ENTREP2: variants seen among roughly 807,000 people sequenced by gnomAD.
ENTREP2 encodes the protein protein ENTREP2.
the ENTREP2 span, among the ~76,000 whole-genome samples, chr15:29,132,674 A>G: frequency 5.3e-5 from 8 of 152,222 alleles, no homozygotes; most frequent in Admixed American, 1.3e-4. Flanking sequence ...AATATATTCT[A>G]TTCTTCAGAG....
the ENTREP2 span, among the ~76,000 whole-genome samples, chr15:29,549,513 G>A: frequency 2.0e-5 from 3 of 152,018 alleles, no homozygotes; most frequent in South Asian, 2.1e-4. Context: ...CTCGTGATCC[G>A]CCCGCCTCGG....
the ENTREP2 span, among the ~76,000 whole-genome samples, chr15:29,245,793 T>A: frequency 6.7e-3 from 1,021 of 152,326 alleles, 14 homozygotes; most frequent in African/African-American, 0.024. Context: ...TGTACAATTT[T>A]GTCAGATTGG....
At chr15:29,246,414 G>C in the ENTREP2 span, among the ~76,000 whole-genome samples, 1 of 140,172 alleles carries the variant, frequency 7.1e-6, no homozygotes, top group Non-Finnish European at 1.5e-5. Context: ...AAAAAAAAAG[G>C]CTGGGCGCAG....
chr15:29,373,917 G>A, the ENTREP2 span: 1 of 151,960 alleles, frequency 6.6e-6, no homozygotes, highest in African/African-American at 2.4e-5. Context: ...AAAAAAAAAG[G>A]CAGGTTACAA....
At chr15:29,416,067 A>C in the ENTREP2 span, among the ~76,000 whole-genome samples, 2 of 152,210 alleles carry the variant, frequency 1.3e-5, no homozygotes, top group Non-Finnish European at 2.9e-5. Context: ...AATGGCCATA[A>C]TGCCCAAGGT....
At chr15:29,318,501 T>C in the ENTREP2 span, among the ~76,000 whole-genome samples, 8 of 152,116 alleles carry the variant, frequency 5.3e-5, no homozygotes, top group East Asian at 1.9e-4. Context: ...TTTGTATTTT[T>C]AGTAGAGACG....
the ENTREP2 span, among the ~76,000 whole-genome samples, chr15:29,339,655 A>G: frequency 1.3e-5 from 2 of 152,246 alleles, no homozygotes; most frequent in Non-Finnish European, 2.9e-5. Context: ...TTTACGTACA[A>G]CTTCGAGATA....
the ENTREP2 span, among the ~76,000 whole-genome samples, chr15:29,262,420 C>A: frequency 6.6e-6 from 1 of 152,198 alleles, no homozygotes; most frequent in South Asian, 2.1e-4. Context: ...AGCAGACAGG[C>A]CTTGCTGGCT....
chr15:29,644,375 C>T, the ENTREP2 span, among the ~76,000 whole-genome samples: 4 of 152,016 alleles, frequency 2.6e-5, no homozygotes, highest in African/African-American at 9.7e-5. Context: ...TACTAAAGGC[C>T]ATTTAATTGT....
the ENTREP2 span, among the ~76,000 whole-genome samples, chr15:29,182,802 C>T: frequency 4.0e-5 from 6 of 151,816 alleles, no homozygotes; most frequent in East Asian, 1.9e-4. Flanking sequence ...CAGTATTTCC[C>T]GTAATGTGGT....
At chr15:29,269,249 TGTAA>T in the ENTREP2 span, 1 of 1,614,036 alleles carries the variant, frequency 6.2e-7, no homozygotes, top group East Asian at 2.2e-5. Flanking sequence ...TTGATGAGGA[TGTAA>T]GTGTTGCTCT....
chr15:29,206,934 G>A, the ENTREP2 span, among the ~76,000 whole-genome samples: 1 of 152,150 alleles, frequency 6.6e-6, no homozygotes, highest in African/African-American at 2.4e-5. Flanking sequence ...AACATCGACA[G>A]TTTGGGACCA....
the ENTREP2 span, among the ~76,000 whole-genome samples, chr15:29,481,922 G>A: frequency 2.7e-3 from 410 of 152,270 alleles, 2 homozygotes; most frequent in Non-Finnish European, 4.9e-3. Context: ...AAAAAGGGCA[G>A]AAAGTTGCCA....
chr15:29,384,388 G>A, the ENTREP2 span, among the ~76,000 whole-genome samples: 1 of 151,910 alleles, frequency 6.6e-6, no homozygotes, highest in Admixed American at 6.6e-5. Flanking sequence ...TCATCTCTCT[G>A]CCCTCTGCCG....
chr15:29,397,491 G>A, the ENTREP2 span, among the ~76,000 whole-genome samples: 1 of 152,168 alleles, frequency 6.6e-6, no homozygotes, highest in Non-Finnish European at 1.5e-5. Flanking sequence ...TGTCAAGCTA[G>A]CAGTGGTTAG....
At chr15:29,507,616 A>C in the ENTREP2 span, among the ~76,000 whole-genome samples, 1 of 152,222 alleles carries the variant, frequency 6.6e-6, no homozygotes, top group Non-Finnish European at 1.5e-5. Flanking sequence ...AAACTGCACA[A>C]CTACATGGAA....
the ENTREP2 span, among the ~76,000 whole-genome samples, chr15:29,297,489 A>AAAT: frequency 6.6e-6 from 1 of 152,240 alleles, no homozygotes; most frequent in Admixed American, 6.5e-5. Flanking sequence ...TCTCTATATC[A>AAAT]AATAATCAAA....
the ENTREP2 span, among the ~76,000 whole-genome samples, chr15:29,485,038 T>C: frequency 6.6e-6 from 1 of 152,148 alleles, no homozygotes; most frequent in African/African-American, 2.4e-5. Flanking sequence ...TTGGCAACAT[T>C]AAAGCATTTC....
At chr15:29,284,134 G>T in the ENTREP2 span, among the ~76,000 whole-genome samples, 1 of 152,100 alleles carries the variant, frequency 6.6e-6, no homozygotes. Flanking sequence ...AAAACCAATC[G>T]AGTCTTAAGA....
Sources: gnomAD v4.1 joint callset for allele counts (sites outside exome capture counted in the v4.1 genomes callset) on GRCh38, gnomAD v4.1.1 for gene constraint, MANE v1.5 for transcripts, NCBI Gene and HGNC (gene_info 2026-07-23, HGNC 2026-07-21) for gene names.